Variants in NBEA observed in about 807,000 individuals in gnomAD.
NBEA encodes lysosomal-trafficking regulator 2.
Under a neutral mutation model 343.4 loss-of-function variants are expected in NBEA, and 44 were observed. The ratio of observed to expected loss-of-function variants is 0.13; its 90% confidence interval spans 0.10 to 0.16. The LOEUF (loss-of-function observed/expected upper bound fraction) is 0.16, where lower values mean the gene tolerates loss of function less well. Ranked by LOEUF, NBEA falls within the 10% of genes least tolerant of loss-of-function variation. The pLI, the probability that NBEA is intolerant of heterozygous loss-of-function variation, is 1.00. For missense variants in NBEA, 2,555 were observed against 3,631.3 expected, an observed-to-expected ratio of 0.70 and a Z score of 7.62; for synonymous variants, 1,175 against 1,238.7, an observed-to-expected ratio of 0.95 and a Z score of 1.08.
chr13:35,564,228 A>G (rs1194395800), intron 44 of NBEA, among the ~76,000 whole-genome samples: 2 of 152,096 alleles, frequency 1.3e-5, no homozygotes, highest in Admixed American at 1.3e-4. Flanking sequence ...ATCAGAAATT[A>G]TTTTAACAAT....
intron 10 of NBEA, among the ~76,000 whole-genome samples, chr13:35,087,581 A>G (rs1487382990): frequency 6.6e-6 from 1 of 151,866 alleles, no homozygotes; most frequent in Non-Finnish European, 1.5e-5. Context: ...TATTCCAGAG[A>G]GATTTTTTTC....
At chr13:35,105,322 T>G (rs1208729822) in intron 11 of NBEA, among the ~76,000 whole-genome samples, 1 of 152,006 alleles carries the variant, frequency 6.6e-6, no homozygotes, top group Non-Finnish European at 1.5e-5. Context: ...CAGGGAAGGT[T>G]GGAAAGGCAG....
chr13:35,128,685 G>A lies in NBEA; in HGVS notation c.2336+5111G>A, dbSNP rs2067256940. Reference sequence around the variant, plus strand: ...AGATTTGACCTTGACTCTGTGGGTAGTGAAAAATAGCAACTCATCTAAAGG... The same window carrying A: ...AGATTTGACCTTGACTCTGTGGGTAATGAAAAATAGCAACTCATCTAAAGG... On this transcript the variant is annotated intron_variant, in intron 17 of 58. Coordinates refer to ENST00000379939, the MANE Select transcript of NBEA (RefSeq NM_001385012.1). Among the ~76,000 whole-genome samples, 6 of 152,108 alleles carry A rather than the reference G, an allele frequency of 3.9e-5. No homozygotes were observed. In the South Asian group the frequency reaches 1.2e-3, roughly 32 times the overall value.
chr13:35,076,529 A>G (rs920943537), intron 10 of NBEA, among the ~76,000 whole-genome samples: 2 of 152,012 alleles, frequency 1.3e-5, no homozygotes, highest in African/African-American at 4.8e-5. Flanking sequence ...TTTCAATGCT[A>G]TACTACTTTG....
chr13:35,298,168 A>G (rs1046461208), intron 35 of NBEA, among the ~76,000 whole-genome samples: 3 of 146,810 alleles, frequency 2.0e-5, no homozygotes, highest in Admixed American at 6.9e-5. Flanking sequence ...ATAGATACAT[A>G]GCCAGTGTGT....
intron 38 of NBEA, among the ~76,000 whole-genome samples, chr13:35,393,760 A>G (rs1051464960): frequency 6.6e-6 from 1 of 152,142 alleles, no homozygotes; most frequent in Non-Finnish European, 1.5e-5. Flanking sequence ...AAGTTAAAGG[A>G]AAGAAGTATG....
intron 33 of NBEA, among the ~76,000 whole-genome samples, chr13:35,226,473 C>A (rs934331538): frequency 6.6e-6 from 1 of 151,950 alleles, no homozygotes; most frequent in East Asian, 1.9e-4. Flanking sequence ...TTTAAATATA[C>A]GAAATATTGT....
intron 13 of NBEA, among the ~76,000 whole-genome samples, chr13:35,111,572 T>C (rs1443044042): frequency 6.6e-6 from 1 of 152,076 alleles, no homozygotes; most frequent in African/African-American, 2.4e-5. Flanking sequence ...ATTTAAACTT[T>C]TTAATTATAG....
At chr13:35,139,725 G>T (rs1366507107) in intron 17 of NBEA, among the ~76,000 whole-genome samples, 1 of 136,754 alleles carries the variant, frequency 7.3e-6, no homozygotes, top group Non-Finnish European at 1.5e-5. Flanking sequence ...ACCATTTCCT[G>T]CCTAAGATGA....
At chr13:35,285,848 C>G (rs1409454132) in intron 34 of NBEA, among the ~76,000 whole-genome samples, 1 of 152,184 alleles carries the variant, frequency 6.6e-6, no homozygotes, top group Non-Finnish European at 1.5e-5. Flanking sequence ...GGCTCTGCTT[C>G]CTGCCTACCT....
At chr13:35,654,149 C>T (rs985825494) in intron 53 of NBEA, among the ~76,000 whole-genome samples, 26 of 152,194 alleles carry the variant, frequency 1.7e-4, no homozygotes, top group African/African-American at 5.8e-4. Flanking sequence ...TGCAGACAGG[C>T]ACTGGGGAAA....
intron 34 of NBEA, among the ~76,000 whole-genome samples, chr13:35,280,522 A>T (rs537039385): frequency 6.6e-6 from 1 of 152,128 alleles, no homozygotes; most frequent in Admixed American, 6.6e-5. Context: ...TAGGAATTAC[A>T]TTAATAGCAT....
intron 36 of NBEA, among the ~76,000 whole-genome samples, chr13:35,329,898 GC>G (rs1423198873): frequency 6.6e-6 from 1 of 151,832 alleles, no homozygotes; most frequent in Non-Finnish European, 1.5e-5. Context: ...CGCTTATCTG[GC>G]CTTCTTTACT....
intron 7 of NBEA, 94 bp downstream of exon 7, chr13:35,056,223 G>C: frequency 9.3e-7 from 1 of 1,076,202 alleles, no homozygotes; most frequent in Non-Finnish European, 1.2e-6. Context: ...TTTGGTAGAA[G>C]CTTAAAACTT....
intron 40 of NBEA, among the ~76,000 whole-genome samples, chr13:35,464,490 A>G (rs1037619365): frequency 6.6e-6 from 1 of 152,170 alleles, no homozygotes; most frequent in African/African-American, 2.4e-5. Context: ...TTCCCCACCA[A>G]AAATAGGCCG....
intron 36 of NBEA, among the ~76,000 whole-genome samples, chr13:35,310,657 A>G (rs1012164256): frequency 2.6e-5 from 4 of 152,226 alleles, no homozygotes; most frequent in African/African-American, 9.6e-5. Flanking sequence ...TGTGACATAT[A>G]TAGCTTCTAT....
chr13:35,649,509 T>G, intron 51 of NBEA, 146 bp from the exon 52 acceptor site: 1 of 666,002 alleles, frequency 1.5e-6, no homozygotes, highest in South Asian at 1.9e-5. Context: ...GGGGCAGACA[T>G]TCACCAGTAT....
At chr13:35,261,871 A>T (rs1384741098) in intron 34 of NBEA, among the ~76,000 whole-genome samples, 1 of 152,230 alleles carries the variant, frequency 6.6e-6, no homozygotes, top group African/African-American at 2.4e-5. Context: ...TATCCAAGAA[A>T]TTCAGCTAAC....
At chr13:35,065,248 C>G (rs1207757099) in intron 8 of NBEA, among the ~76,000 whole-genome samples, 1 of 151,918 alleles carries the variant, frequency 6.6e-6, no homozygotes, top group Non-Finnish European at 1.5e-5. Context: ...AAATCCCTGA[C>G]TTTTCTTTCT....
Sources: gnomAD v4.1 joint callset for allele counts (sites outside exome capture counted in the v4.1 genomes callset) on GRCh38, gnomAD v4.1.1 for gene constraint, MANE v1.5 for transcripts, NCBI Gene and HGNC (gene_info 2026-07-23, HGNC 2026-07-21) for gene names.